DERA: variants seen among roughly 807,000 people sequenced by gnomAD.
DERA encodes 2-deoxy-D-ribose 5-phosphate aldolase.
A neutral mutation model predicts 41.1 loss-of-function variants in DERA; 15 were observed. The ratio of observed to expected loss-of-function variants is 0.37; its 90% CI spans 0.24 to 0.56. The LOEUF (loss-of-function observed/expected upper bound fraction) is 0.56. DERA is among the 20% of genes least tolerant of loss of function. The pLI is 0.81. For missense variants in DERA, 396 were observed against 403.4 expected, an observed-to-expected ratio of 0.98 and a Z score of 0.16; for synonymous variants, 139 against 137.4, an observed-to-expected ratio of 1.01 and a Z score of -0.08.
At position 15,990,410 on chromosome 12, in the gene DERA, G is replaced by A. The variant is rs144540433; in HGVS notation, c.637+7974G>A. Reference sequence around the variant, plus strand: ...CTAGTTAATGATATGTTTGTGGTACGCTACTTTCCATGTTCTTTTTTGTTT... The same window carrying A: ...CTAGTTAATGATATGTTTGTGGTACACTACTTTCCATGTTCTTTTTTGTTT... On this transcript the variant is annotated intron_variant, in intron 6 of 8. Transcript: ENST00000428559. The surrounding 1 kb of genome is among the most constrained non-coding windows in gnomAD (Gnocchi z 4.3). Among the ~76,000 whole-genome samples, 3 of 152,202 alleles carry A rather than the reference G, an allele frequency of 2.0e-5. No individual in the cohort carries two copies. The highest frequency in any genetic ancestry group is 1.9e-4 in the East Asian group (1 of 5,178).
chr12:15,959,969 C>G lies in DERA; in HGVS notation c.373+45C>G. ...TTGTTGTTATTTTTTAAACATGTTT[C>G]CAGTTCTTCATACAATGGGGTATTA... On this transcript the variant is annotated intron_variant, in intron 4 of 8. Transcript: ENST00000428559. The surrounding 1 kb of genome is among the most constrained non-coding windows in gnomAD (Gnocchi z 4.5). 7.0e-7 allele frequency: 1 copy of G among 1,420,794 alleles called. No homozygotes were observed. The highest frequency in any genetic ancestry group is 1.3e-5 in the South Asian group (1 of 78,710). 88.0% of individuals were successfully genotyped at this position (1,420,794 alleles called of 1,614,324 possible).
chr12:15,981,405 A>C lies in DERA; in HGVS notation c.509-903A>C, dbSNP rs1592032713. 6.6e-6 allele frequency among the ~76,000 whole-genome samples: 1 copy of C among 152,178 alleles called. No homozygotes were observed. Among genetic ancestry groups the C allele is most frequent in the Non-Finnish European group, 1.5e-5 (1 of 68,028 alleles). On this transcript the variant is annotated intron_variant, in intron 5 of 8. Transcript: ENST00000428559. This position sits in a 1 kb window ranked among gnomAD's most constrained non-coding sequence, Gnocchi z 6.1. Reference sequence around the variant, plus strand: ...CTTCCTATGAAAGATACTCAAATACAAAGGAAAGAAAAAGCCTTGGTCTTG... The same window carrying C: ...CTTCCTATGAAAGATACTCAAATACCAAGGAAAGAAAAAGCCTTGGTCTTG...
chr12:16,032,439 G>A, intron 6 of DERA, 103 bp from the exon 7 acceptor site: 1 of 656,906 alleles, frequency 1.5e-6, no homozygotes. Context: ...ATAACATTGG[G>A]TTTCTTCGGG....
chr12:15,955,348 A>G (rs1260791926), intron 1 of DERA, among the ~76,000 whole-genome samples: 3 of 151,496 alleles, frequency 2.0e-5, no homozygotes, highest in African/African-American at 7.3e-5. Context: ...TGTTTCTTAC[A>G]GGTCTTAGAT....
chr12:15,962,903 A>G lies in DERA; in HGVS notation c.464A>G (p.Asp155Gly). The change falls in exon 5 of 9, where the codon GAC (aspartate) becomes GGC (glycine). Residue 155 changes from aspartate (D) to glycine (G), a missense_variant. Asp to Gly is a moderately conservative substitution (Grantham distance 94). Transcript: ENST00000428559. Reference protein sequence around the residue: ...LAVEDGATEIDVVINRSLVLT... With the variant: ...LAVEDGATEIGVVINRSLVLT... ...GTGGAAGATGGAGCTACAGAAATCG[A>G]CGTGGTAATTAACAGAAGCTTGGTG... is the stretch of plus-strand genomic sequence containing the variant. 1 of 1,600,732 alleles carries G rather than the reference A, an allele frequency of 6.2e-7. No individual in the cohort carries two copies. Among genetic ancestry groups the G allele is most frequent in the Non-Finnish European group, 8.5e-7 (1 of 1,173,238 alleles).
intron 6 of DERA, among the ~76,000 whole-genome samples, chr12:16,005,475 G>T (rs1948903192): frequency 6.6e-6 from 1 of 152,114 alleles, no homozygotes; most frequent in Non-Finnish European, 1.5e-5. Flanking sequence ...AGACCAGCTC[G>T]CTTCAACCGA....
At position 15,972,539 on chromosome 12, in the gene DERA, C is replaced by A; in HGVS notation, c.508+9592C>A. On this transcript the variant is annotated intron_variant, in intron 5 of 8. Coordinates refer to ENST00000428559, the MANE Select transcript of DERA (RefSeq NM_015954.4). This position sits in a 1 kb window ranked among gnomAD's most constrained non-coding sequence, Gnocchi z 4.4. ...TTGCGGGTAGCAGAAGCTGACTTCC[C>A]GCAGACAGCGCATGATGTACTCTAG... The A allele has an allele frequency of 6.4e-6, 1 of 157,124 alleles. No homozygotes were observed. The highest frequency in any genetic ancestry group is 1.7e-4 in the South Asian group (1 of 5,752). 9.7% of individuals were successfully genotyped at this position (157,124 alleles called of 1,614,324 possible).
chr12:16,001,887 G>A lies in DERA; in HGVS notation c.637+19451G>A, dbSNP rs1049334909. On this transcript the variant is annotated intron_variant, in intron 6 of 8. Coordinates refer to ENST00000428559, the MANE Select transcript of DERA (RefSeq NM_015954.4). The surrounding 1 kb of genome is among the most constrained non-coding windows in gnomAD (Gnocchi z 4.1). Reference sequence around the variant, plus strand: ...GGAGCTTAGAGAGGAAACAAACCCCGGTATGGACTTTTCAGACAAAATACT... The same window carrying A: ...GGAGCTTAGAGAGGAAACAAACCCCAGTATGGACTTTTCAGACAAAATACT... 6.6e-5 allele frequency among the ~76,000 whole-genome samples: 10 copies of A among 152,086 alleles called. No individual in the cohort carries two copies. Among genetic ancestry groups the A allele is most frequent in the African/African-American group, 2.2e-4 (9 of 41,412 alleles).
Position 15,996,364 on chromosome 12 carries a change from C to G in DERA, c.637+13928C>G, listed in dbSNP as rs1454620768. 1.3e-5 allele frequency among the ~76,000 whole-genome samples: 2 copies of G among 152,112 alleles called. No homozygotes were observed. The highest frequency in any genetic ancestry group is 2.9e-5 in the Non-Finnish European group (2 of 68,014). On this transcript the variant is annotated intron_variant, in intron 6 of 8. Transcript: ENST00000428559. This position sits in a 1 kb window ranked among gnomAD's most constrained non-coding sequence, Gnocchi z 4.7. ...GTTCTGGAGGCCAGAAGCCCGCAGT[C>G]AGGGTGTCAGCAGGCTTATGCTCCC... is the stretch of plus-strand genomic sequence containing the variant.
chr12:15,952,372 G>A (rs1254592903), intron 1 of DERA, among the ~76,000 whole-genome samples: 2 of 152,122 alleles, frequency 1.3e-5, no homozygotes, highest in Non-Finnish European at 2.9e-5. Flanking sequence ...TCTGTGTACT[G>A]ATTACTTTTT....
In DERA at chr12:15,998,898, C is replaced by T. The variant is rs557723300; in HGVS notation, c.637+16462C>T. 3.3e-5 allele frequency among the ~76,000 whole-genome samples: 5 copies of T among 152,222 alleles called. No individual in the cohort carries two copies. The highest frequency in any genetic ancestry group is 2.1e-4 in the South Asian group (1 of 4,814). On this transcript the variant is annotated intron_variant, in intron 6 of 8. Coordinates refer to ENST00000428559, the MANE Select transcript of DERA (RefSeq NM_015954.4). This position sits in a 1 kb window ranked among gnomAD's most constrained non-coding sequence, Gnocchi z 4.8. ...CAGTTGCACTATAGGTCCTAACCAA[C>T]GCATATACAGTGTTTTTCTAAGAGC...
intron 1 of DERA, among the ~76,000 whole-genome samples, chr12:15,950,723 C>T (rs541946553): frequency 6.6e-6 from 1 of 152,282 alleles, no homozygotes; most frequent in East Asian, 1.9e-4. Context: ...CTGGCTCATG[C>T]CCATCCTACA....
intron 1 of DERA, among the ~76,000 whole-genome samples, chr12:15,916,908 G>C (rs746862343): frequency 1.8e-4 from 28 of 152,138 alleles, no homozygotes; most frequent in Non-Finnish European, 3.4e-4. Flanking sequence ...CAATGTGCCA[G>C]GCTCTTGTTC....
At position 15,988,641 on chromosome 12, in the gene DERA, C is replaced by G. The variant is rs1262841691; in HGVS notation, c.637+6205C>G. The stretch of plus-strand genomic sequence containing the variant: ...TGCCTGAATGGTCATCAATGAAGTT[C>G]TCACTCCAGGCTGTGGCCTTCACTC... On this transcript the variant is annotated intron_variant, in intron 6 of 8. Coordinates refer to ENST00000428559, the MANE Select transcript of DERA (RefSeq NM_015954.4). This position sits in a 1 kb window ranked among gnomAD's most constrained non-coding sequence, Gnocchi z 6.0. Among the ~76,000 whole-genome samples the G allele has an allele frequency of 1.3e-5, 2 of 152,168 alleles. No homozygotes were observed. Among genetic ancestry groups the G allele is most frequent in the African/African-American group, 4.8e-5 (2 of 41,452 alleles).
intron 5 of DERA, among the ~76,000 whole-genome samples, chr12:15,969,897 TC>T (rs1329900872): frequency 6.6e-6 from 1 of 152,140 alleles, no homozygotes; most frequent in African/African-American, 2.4e-5. Context: ...TTGTGATTTC[TC>T]TGTTTTGGAA....
At chr12:15,975,343 A>G (rs1170605445) in intron 5 of DERA, among the ~76,000 whole-genome samples, 2 of 152,142 alleles carry the variant, frequency 1.3e-5, no homozygotes, top group African/African-American at 4.8e-5. Flanking sequence ...GGGGGCCACA[A>G]GATCGGATGA....
intron 5 of DERA, among the ~76,000 whole-genome samples, chr12:15,978,875 G>T (rs1948715732): frequency 6.6e-6 from 1 of 152,188 alleles, no homozygotes; most frequent in Non-Finnish European, 1.5e-5. Flanking sequence ...TGAACAATGT[G>T]CTGGATATTG....
intron 1 of DERA, among the ~76,000 whole-genome samples, chr12:15,939,198 T>C (rs1197689709): frequency 6.6e-6 from 1 of 152,144 alleles, no homozygotes; most frequent in Non-Finnish European, 1.5e-5. Context: ...AGCCCAGTCT[T>C]CCAGCCGTAC....
intron 1 of DERA, among the ~76,000 whole-genome samples, chr12:15,950,855 T>G (rs963871393): frequency 2.6e-5 from 4 of 152,248 alleles, no homozygotes; most frequent in Non-Finnish European, 5.9e-5. Flanking sequence ...TTTTGTTTTT[T>G]CAGCACTGCT....
Sources: allele counts gnomAD v4.1 joint callset (sites outside exome capture counted in the v4.1 genomes callset), GRCh38; gene constraint gnomAD v4.1.1; non-coding constraint Gnocchi (gnomAD v3.1); transcripts MANE v1.5; gene names NCBI Gene and HGNC (gene_info 2026-07-23, HGNC 2026-07-21).